GSK3B: variants seen among roughly 807,000 people sequenced by gnomAD.
GSK3B encodes the protein glycogen synthase kinase-3 beta.
A neutral mutation model predicts 56.4 loss-of-function variants in GSK3B; 15 were observed. That is an observed-to-expected ratio of 0.27 (90% CI 0.18 to 0.41). The LOEUF is 0.41. GSK3B is among the 10% of genes least tolerant of loss of function. GSK3B has a pLI of 1.00. For synonymous variants in GSK3B, 181 were observed against 188.9 expected, an observed-to-expected ratio of 0.96 and a Z score of 0.34; for missense variants, 300 against 513.4, an observed-to-expected ratio of 0.58 and a Z score of 4.02.
At chr3:120,067,453 G>T (rs973938736) in intron 1 of GSK3B, among the ~76,000 whole-genome samples, 2 of 152,052 alleles carry the variant, frequency 1.3e-5, no homozygotes, top group Non-Finnish European at 2.9e-5. Flanking sequence ...ACTTAATTTA[G>T]CCTATAGTTG....
intron 1 of GSK3B, among the ~76,000 whole-genome samples, chr3:120,077,771 T>A (rs1413964790): frequency 6.6e-6 from 1 of 152,150 alleles, no homozygotes; most frequent in Non-Finnish European, 1.5e-5. Context: ...TAAATATACA[T>A]AGTAACATTT....
chr3:119,956,623 G>A (rs1402063608), intron 2 of GSK3B, among the ~76,000 whole-genome samples: 1 of 152,080 alleles, frequency 6.6e-6, no homozygotes, highest in African/African-American at 2.4e-5. Context: ...GAAAAAAAGT[G>A]ATCAAACTCC....
intron 3 of GSK3B, among the ~76,000 whole-genome samples, chr3:119,939,204 A>G (rs1196259205): frequency 6.6e-6 from 1 of 152,106 alleles, no homozygotes; most frequent in Non-Finnish European, 1.5e-5. Flanking sequence ...AGCATTCCAG[A>G]AGGTATTTGC....
At chr3:119,972,085 T>C (rs1468681028) in intron 2 of GSK3B, among the ~76,000 whole-genome samples, 3 of 152,206 alleles carry the variant, frequency 2.0e-5, no homozygotes, top group Non-Finnish European at 4.4e-5. Context: ...ACTACTTTTA[T>C]AAAACAACTT....
intron 3 of GSK3B, among the ~76,000 whole-genome samples, chr3:119,924,925 G>A (rs2056876328): frequency 6.6e-6 from 1 of 152,190 alleles, no homozygotes; most frequent in Admixed American, 6.5e-5. Flanking sequence ...CCACAACCCT[G>A]GTTGAGTTCA....
chr3:119,838,549 G>A (rs908690890), intron 10 of GSK3B, among the ~76,000 whole-genome samples: 12 of 152,034 alleles, frequency 7.9e-5, no homozygotes, highest in Non-Finnish European at 1.6e-4. Flanking sequence ...TAACCAACAA[G>A]GTTCATGAGA....
At chr3:119,947,006 T>G (rs2057106813) in intron 3 of GSK3B, among the ~76,000 whole-genome samples, 1 of 151,278 alleles carries the variant, frequency 6.6e-6, no homozygotes. Flanking sequence ...AAAAAAAAAG[T>G]ATATAGATTT....
At chr3:119,977,578 C>T (rs894817613) in intron 2 of GSK3B, among the ~76,000 whole-genome samples, 3 of 152,184 alleles carry the variant, frequency 2.0e-5, no homozygotes, top group South Asian at 2.1e-4. Context: ...ATTATAGCCT[C>T]CACTTGAAAA....
intron 7 of GSK3B, among the ~76,000 whole-genome samples, chr3:119,889,134 C>T (rs577884111): frequency 1.2e-4 from 18 of 152,214 alleles, no homozygotes; most frequent in African/African-American, 3.6e-4. Context: ...GGACCTACTC[C>T]CTGTTCTTGC....
chr3:120,078,561 C>CT lies in GSK3B; in HGVS notation c.88+14785dup, dbSNP rs1482239544. ...ACTTCTCCTCTTTTTTTTTTTTTTT[C>CT]TTTTTTTTCTGAGATGGAGTCTTGC... On this transcript the variant is annotated intron_variant, in intron 1 of 10. Transcript: ENST00000264235. Among the ~76,000 whole-genome samples the CT allele has an allele frequency of 8.4e-3, 921 of 109,356 alleles. 5 individuals are homozygous for CT. Among genetic ancestry groups the CT allele is most frequent in the Middle Eastern group, 0.023 (5 of 218 alleles). 71.7% of individuals were successfully genotyped at this position (109,356 alleles called of 152,430 possible).
intron 9 of GSK3B, among the ~76,000 whole-genome samples, chr3:119,845,175 G>A (rs1488098178): frequency 2.6e-5 from 4 of 152,040 alleles, no homozygotes; most frequent in African/African-American, 7.2e-5. Context: ...AATAGTAAGA[G>A]CTATTTATGA....
intron 7 of GSK3B, among the ~76,000 whole-genome samples, chr3:119,883,260 A>C (rs2056398859): frequency 6.6e-6 from 1 of 152,166 alleles, no homozygotes; most frequent in African/African-American, 2.4e-5. Flanking sequence ...AAATTCAAAA[A>C]GCTCTCAAAT....
At chr3:119,851,085 T>C (rs2055923951) in intron 9 of GSK3B, among the ~76,000 whole-genome samples, 1 of 152,324 alleles carries the variant, frequency 6.6e-6, no homozygotes, top group African/African-American at 2.4e-5. Flanking sequence ...ACGTAGTTTA[T>C]TAGGGAAAAC....
At chr3:120,063,182 T>C (rs927747312) in intron 1 of GSK3B, among the ~76,000 whole-genome samples, 2 of 152,230 alleles carry the variant, frequency 1.3e-5, no homozygotes, top group Non-Finnish European at 2.9e-5. Context: ...AGTCTTGAAC[T>C]AACCAGTAGT....
intron 2 of GSK3B, among the ~76,000 whole-genome samples, chr3:119,947,787 G>GA (rs145695825): frequency 0.03 from 3,812 of 127,634 alleles, 163 homozygotes; most frequent in African/African-American, 0.1. Context: ...AAGATGCAGT[G>GA]AAAAAAAAAA....
Position 119,826,553 on chromosome 3 carries a change from A to G in GSK3B, c.*235T>C. 2.7e-6 allele frequency: 1 copy of G among 376,024 alleles called. No homozygotes were observed. Among genetic ancestry groups the G allele is most frequent in the Non-Finnish European group, 5.2e-6 (1 of 192,612 alleles). 23.3% of individuals were successfully genotyped at this position (376,024 alleles called of 1,614,324 possible). ...CTAGTGCTCCGCTTTCCCCCTCCCC[A>G]CAACCCCTCCCACCCCCTGGATCTC... is the stretch of plus-strand genomic sequence containing the variant. On this transcript the variant is annotated 3_prime_UTR_variant, in exon 11 of 11. Coordinates refer to ENST00000264235, the MANE Select transcript of GSK3B (RefSeq NM_001146156.2).
At chr3:119,920,585 A>G (rs778605522) in intron 4 of GSK3B, among the ~76,000 whole-genome samples, 61 of 152,146 alleles carry the variant, frequency 4.0e-4, no homozygotes, top group Admixed American at 2.6e-4. Context: ...GTTCATCCCT[A>G]ATGGGATCTA....
At chr3:119,981,131 T>C (rs1204453735) in intron 2 of GSK3B, among the ~76,000 whole-genome samples, 1 of 152,088 alleles carries the variant, frequency 6.6e-6, no homozygotes, top group Non-Finnish European at 1.5e-5. Context: ...TAACTGCACT[T>C]CTTTCTAGGT....
chr3:119,872,631 G>A lies in GSK3B; in HGVS notation c.909+3782C>T, dbSNP rs183678863. 3.7e-3 allele frequency among the ~76,000 whole-genome samples: 561 copies of A among 152,152 alleles called. 4 individuals carry two copies. The highest frequency in any genetic ancestry group is 6.8e-3 in the Middle Eastern group (2 of 292). On this transcript the variant is annotated intron_variant, in intron 8 of 10. Transcript: ENST00000264235. ...TTTAATAATTCTATGATATGATGGT[G>A]GCCTAAACTAAGGTCAGGGCAGTGG...
Sources: gnomAD v4.1 joint callset for allele counts (sites outside exome capture counted in the v4.1 genomes callset) on GRCh38, gnomAD v4.1.1 for gene constraint, MANE v1.5 for transcripts, NCBI Gene and HGNC (gene_info 2026-07-23, HGNC 2026-07-21) for gene names.